The following OR2C1 variants were observed in gnomAD, a reference collection of about 807,000 sequenced individuals.
OR2C1 encodes the protein olfactory receptor family 2 subfamily C member 1.
For missense variants in OR2C1, 468 were observed against 388.3 expected, an observed-to-expected ratio of 1.21 and a Z score of -1.73; for synonymous variants, 209 against 167.3, an observed-to-expected ratio of 1.25 and a Z score of -1.92.
At chr16:3,324,624 A>T in the OR2C1 span, among the ~76,000 whole-genome samples, 1 of 152,022 alleles carries the variant, frequency 6.6e-6, no homozygotes, top group Non-Finnish European at 1.5e-5. Context: ...TGTTTGTTTT[A>T]TAAATATGTT....
chr16:3,351,034 CAAA>C (rs1172796202), upstream of OR2C1, among the ~76,000 whole-genome samples: 19 of 49,516 alleles, frequency 3.8e-4, no homozygotes, highest in Admixed American at 2.3e-4. Context: ...GACCCTGACT[CAAA>C]AAAAAAAAAA....
chr16:3,338,003 C>T, the OR2C1 span, among the ~76,000 whole-genome samples: 2 of 152,292 alleles, frequency 1.3e-5, no homozygotes, highest in East Asian at 1.9e-4. Flanking sequence ...TGGCAGTAGA[C>T]GGTGCCTTAA....
chr16:3,323,723 C>T, the OR2C1 span: 1 of 684,522 alleles, frequency 1.5e-6, no homozygotes, highest in Non-Finnish European at 2.6e-6. Context: ...TCATCTGAGA[C>T]ACACCTTGTC....
the OR2C1 span, among the ~76,000 whole-genome samples, chr16:3,334,627 G>A: frequency 2.0e-5 from 3 of 150,990 alleles, no homozygotes; most frequent in African/African-American, 7.3e-5. Flanking sequence ...GAGCCACCAC[G>A]CCCAGCCTTC....
chr16:3,333,634 C>G, the OR2C1 span, among the ~76,000 whole-genome samples: 1 of 152,150 alleles, frequency 6.6e-6, no homozygotes, highest in Non-Finnish European at 1.5e-5. Flanking sequence ...TGTGCCCAGC[C>G]AAGTTTACAA....
the OR2C1 span, among the ~76,000 whole-genome samples, chr16:3,328,101 T>C: frequency 6.6e-6 from 1 of 152,202 alleles, no homozygotes; most frequent in Admixed American, 6.5e-5. Flanking sequence ...TAGTGTTCCT[T>C]CCTTACCTTG....
chr16:3,356,739 A>G lies in OR2C1; in HGVS notation c.799A>G (p.Lys267Glu), dbSNP rs752278500. Residue 267 changes from lysine to glutamate, a missense_variant, in exon 1 of 1, where the codon AAA (lysine) becomes GAA (glutamate). Physicochemically the swap from Lys to Glu is moderately conservative, Grantham distance 56. Coordinates refer to ENST00000304936, the MANE Select transcript of OR2C1 (RefSeq NM_012368.3). ...GTATCTGCTTCCGGCCAAGAACAGC[A>G]AACAGGACCAGGGCAAGTTCATTTC... ...YGYLLPAKNS[K>E]QDQGKFISLF... The G allele has an allele frequency of 1.2e-6, 2 of 1,613,666 alleles. No individual in the cohort carries two copies. The highest frequency in any genetic ancestry group is 1.3e-5 in the African/African-American group (1 of 74,876).
chr16:3,331,231 GTTGT>G, the OR2C1 span, among the ~76,000 whole-genome samples: 1 of 152,252 alleles, frequency 6.6e-6, no homozygotes, highest in East Asian at 1.9e-4. Context: ...TTTTGATGGG[GTTGT>G]TTGTTTTTTT....
At chr16:3,351,563 T>C (rs921451465), upstream of OR2C1, among the ~76,000 whole-genome samples, 3 of 152,218 alleles carry the variant, frequency 2.0e-5, no homozygotes, top group African/African-American at 4.8e-5. Flanking sequence ...CCATACTTCA[T>C]AGGACCTATG....
chr16:3,325,930 CTT>C, the OR2C1 span, among the ~76,000 whole-genome samples: 17 of 127,940 alleles, frequency 1.3e-4, no homozygotes, highest in Admixed American at 2.3e-4. Context: ...CAAGTGCATT[CTT>C]TTTTTTTTTT....
At chr16:3,334,422 C>T in the OR2C1 span, among the ~76,000 whole-genome samples, 1 of 151,554 alleles carries the variant, frequency 6.6e-6, no homozygotes, top group Non-Finnish European at 1.5e-5. Context: ...AGACTTGAGT[C>T]ACCTCAGCAC....
At chr16:3,354,070 G>C (rs112963993), upstream of OR2C1, among the ~76,000 whole-genome samples, 1,418 of 147,938 alleles carry the variant, frequency 9.6e-3, 25 homozygotes, top group African/African-American at 0.033. Flanking sequence ...TGCAACTTCC[G>C]CCTCCCTGTT....
the OR2C1 span, among the ~76,000 whole-genome samples, chr16:3,324,742 A>G: frequency 6.6e-6 from 1 of 151,994 alleles, no homozygotes; most frequent in African/African-American, 2.4e-5. Context: ...GCATGCCATC[A>G]CACCTAGCTC....
upstream of OR2C1, among the ~76,000 whole-genome samples, chr16:3,354,062 C>A (rs1459908299): frequency 2.0e-5 from 3 of 150,660 alleles, no homozygotes; most frequent in African/African-American, 7.4e-5. Flanking sequence ...CAACTCACTG[C>A]AACTTCCGCC....
chr16:3,331,642 A>G, the OR2C1 span, among the ~76,000 whole-genome samples: 26 of 152,118 alleles, frequency 1.7e-4, no homozygotes, highest in East Asian at 7.7e-4. Flanking sequence ...TATTAAATAG[A>G]GAATCCTTTC....
At chr16:3,335,033 G>A in the OR2C1 span, among the ~76,000 whole-genome samples, 1 of 151,984 alleles carries the variant, frequency 6.6e-6, no homozygotes, top group East Asian at 1.9e-4. Context: ...TGGCCAGGCT[G>A]GTCTTGAGCT....
chr16:3,325,221 A>G, the OR2C1 span, among the ~76,000 whole-genome samples: 2 of 151,990 alleles, frequency 1.3e-5, no homozygotes, highest in Non-Finnish European at 2.9e-5. Context: ...GCCTCAACCG[A>G]TTAGCCACCC....
At chr16:3,342,284 A>G in the OR2C1 span, among the ~76,000 whole-genome samples, 1 of 152,140 alleles carries the variant, frequency 6.6e-6, no homozygotes, top group Non-Finnish European at 1.5e-5. Context: ...AGCACAAACC[A>G]ACATTAAGAC....
At chr16:3,334,844 G>C in the OR2C1 span, among the ~76,000 whole-genome samples, 1 of 150,914 alleles carries the variant, frequency 6.6e-6, no homozygotes, top group East Asian at 2.0e-4. Flanking sequence ...TTAAGACAGA[G>C]TCTCACTCTT....
Sources: gnomAD v4.1 joint callset for allele counts (sites outside exome capture counted in the v4.1 genomes callset) on GRCh38, gnomAD v4.1.1 for gene constraint, MANE v1.5 for transcripts, NCBI Gene and HGNC (gene_info 2026-07-23, HGNC 2026-07-21) for gene names.